The following IDE variants were observed in gnomAD, a reference collection of about 807,000 sequenced individuals.
IDE encodes the protein insulin degrading enzyme, also known as insulin-degrading enzyme.
Under a neutral mutation model 133.2 loss-of-function variants are expected in IDE, and 58 were observed. The ratio of observed to expected loss-of-function variants is 0.44; its 90% CI spans 0.35 to 0.54. The LOEUF is 0.54. IDE is among the 20% of genes least tolerant of loss of function. The pLI is 0.00. For synonymous variants in IDE, 396 were observed against 421.3 expected (o/e 0.94, Z 0.73); for missense variants, 981 against 1,234.0 (o/e 0.79, Z 3.07).
chr10:92,479,597 T>G (rs1846484671), intron 14 of IDE, 176 bp from the exon 15 acceptor site: 3 of 571,716 alleles, frequency 5.2e-6, no homozygotes, highest in African/African-American at 2.0e-5. Context: ...AAAAGAAGCC[T>G]GAAGTGTGTG....
In IDE at chr10:92,469,029, T is replaced by C. The variant is rs367995610; in HGVS notation, c.2209-39A>G. 2.0e-5 allele frequency: 22 copies of C among 1,110,726 alleles called. No individual in the cohort carries two copies. In the South Asian group the frequency reaches 2.7e-4, roughly 13 times the overall value. The allele number at this position is 1,110,726 out of a possible 1,614,324, so 68.8% of individuals were successfully genotyped here. On this transcript the variant is annotated intron_variant, in intron 18 of 24. Transcript: ENST00000265986. ...TATGTCCCAGCATATTACAAAAACA[T>C]AAACATATCTTGTTTGTGAAATAAA...
At chr10:92,566,388 ATCTC>A (rs201698581) in intron 1 of IDE, among the ~76,000 whole-genome samples, 1,451 of 144,836 alleles carry the variant, frequency 0.01, 20 homozygotes, top group African/African-American at 0.034. Context: ...GTCAGACTCT[ATCTC>A]TCTCTCTCTC....
At chr10:92,538,974 A>C (rs149575195) in intron 1 of IDE, among the ~76,000 whole-genome samples, 153 of 152,332 alleles carry the variant, frequency 1.0e-3, no homozygotes, top group African/African-American at 3.5e-3. Flanking sequence ...TTTAAACGTA[A>C]GTAAGAGGGG....
At chr10:92,540,955 G>C (rs1276524075) in intron 1 of IDE, among the ~76,000 whole-genome samples, 2 of 152,150 alleles carry the variant, frequency 1.3e-5, no homozygotes, top group African/African-American at 2.4e-5. Context: ...ATTTGCAAAT[G>C]ATCAGAATCC....
chr10:92,562,227 T>C (rs1410423001), intron 1 of IDE, among the ~76,000 whole-genome samples: 1 of 152,182 alleles, frequency 6.6e-6, no homozygotes, highest in African/African-American at 2.4e-5. Context: ...AGCCTACTGG[T>C]CTACAGTGAC....
chr10:92,561,687 G>A (rs576720309), intron 1 of IDE, among the ~76,000 whole-genome samples: 10 of 152,108 alleles, frequency 6.6e-5, no homozygotes, highest in South Asian at 2.1e-4. Context: ...GCTTGAACAC[G>A]GGAGGCGGAG....
In IDE at chr10:92,479,409, A is replaced by G. The variant is rs1846470494; in HGVS notation, c.1752T>C (p.Tyr584=). Residue 584 remains tyrosine, a synonymous_variant, in exon 15 of 25, where the codon TAT becomes TAC. Coordinates refer to ENST00000265986, the MANE Select transcript of IDE (RefSeq NM_004969.4). The part of the protein sequence containing the change: ...LNFEFFSPFA[Y]VDPLHCNMAY... ...CCATGTTACAGTGCAAGGGGTCCAC[A>G]TAAGCAAATGGGCTGGAAGAAAATG... 6.2e-7 allele frequency: 1 copy of G among 1,606,090 alleles called. No individual in the cohort carries two copies. Among genetic ancestry groups the G allele is most frequent in the Non-Finnish European group, 8.5e-7 (1 of 1,173,540 alleles).
intron 11 of IDE, among the ~76,000 whole-genome samples, chr10:92,493,098 T>TC (rs1390468007): frequency 6.6e-6 from 1 of 152,216 alleles, no homozygotes; most frequent in African/African-American, 2.4e-5. Context: ...AGAGTTCTAT[T>TC]ATTGCGTCAG....
chr10:92,476,693 T>C (rs1328244806), intron 15 of IDE, among the ~76,000 whole-genome samples: 1 of 152,112 alleles, frequency 6.6e-6, no homozygotes, highest in East Asian at 1.9e-4. Flanking sequence ...GTAAGTAAAC[T>C]CACCTGACAC....
chr10:92,574,056 C>G lies in IDE; in HGVS notation c.-37G>C. The stretch of plus-strand genomic sequence containing the variant: ...GTCGCCGGGATCACCGCAAACGCTT[C>G]CTGCTTGCGCTTCGAGCCGGCCCTG... On this transcript the variant is annotated 5_prime_UTR_variant, in exon 1 of 25. Coordinates refer to ENST00000265986, the MANE Select transcript of IDE (RefSeq NM_004969.4). 1 of 1,459,966 alleles carries G rather than the reference C, an allele frequency of 6.8e-7. No homozygotes were observed. Among genetic ancestry groups the G allele is most frequent in the Non-Finnish European group, 9.1e-7 (1 of 1,093,618 alleles). The allele number at this position is 1,459,966 out of a possible 1,614,324, so 90.4% of individuals were successfully genotyped here.
At chr10:92,484,686 T>C (rs1846858636) in intron 13 of IDE, among the ~76,000 whole-genome samples, 1 of 151,692 alleles carries the variant, frequency 6.6e-6, no homozygotes, top group African/African-American at 2.4e-5. Flanking sequence ...TGAGCTGAGA[T>C]TGCACCACTG....
intron 1 of IDE, among the ~76,000 whole-genome samples, chr10:92,555,900 G>A (rs997174482): frequency 3.3e-5 from 5 of 152,132 alleles, no homozygotes; most frequent in African/African-American, 9.7e-5. Flanking sequence ...TAGGCCGGGC[G>A]CGGTGGCTCA....
At chr10:92,482,481 C>T (rs1846672809) in intron 14 of IDE, among the ~76,000 whole-genome samples, 1 of 152,172 alleles carries the variant, frequency 6.6e-6, no homozygotes, top group Non-Finnish European at 1.5e-5. Flanking sequence ...GAAGCAGTAT[C>T]TAAGGGTTCC....
At chr10:92,565,105 G>A (rs1013579046) in intron 1 of IDE, among the ~76,000 whole-genome samples, 3 of 151,684 alleles carry the variant, frequency 2.0e-5, no homozygotes, top group African/African-American at 4.8e-5. Flanking sequence ...AAAATTAGCC[G>A]GCGTGGTAGC....
chr10:92,558,066 T>C (rs566801114), intron 1 of IDE, among the ~76,000 whole-genome samples: 1 of 152,302 alleles, frequency 6.6e-6, no homozygotes, highest in Non-Finnish European at 1.5e-5. Context: ...ACAACCTTTT[T>C]TTTGAGATAG....
At position 92,504,750 on chromosome 10, in the gene IDE, T is replaced by C. The variant is rs373885689; in HGVS notation, c.1430+44A>G. The C allele has an allele frequency of 2.0e-3, 1,932 of 977,636 alleles. 43 individuals carry two copies. In the South Asian group the frequency reaches 0.026, roughly 13 times the overall value. 60.6% of individuals were successfully genotyped at this position (977,636 alleles called of 1,614,324 possible). ...AAATTTTTTCAGATTCTAATCATTA[T>C]TGAAAATTTAGTGTATAATAGTAAA... On this transcript the variant is annotated intron_variant, in intron 11 of 24. Coordinates refer to ENST00000265986, the MANE Select transcript of IDE (RefSeq NM_004969.4).
intron 19 of IDE, among the ~76,000 whole-genome samples, chr10:92,467,008 A>G (rs1389772102): frequency 6.6e-6 from 1 of 152,018 alleles, no homozygotes; most frequent in Non-Finnish European, 1.5e-5. Flanking sequence ...GTGACAGAGT[A>G]AGACTCCGTC....
intron 5 of IDE, among the ~76,000 whole-genome samples, chr10:92,511,315 C>G (rs1848619042): frequency 6.6e-6 from 1 of 151,962 alleles, no homozygotes; most frequent in South Asian, 2.1e-4. Context: ...GTTGCCCAGG[C>G]TGGTCTCAAA....
At chr10:92,469,120 T>A in intron 18 of IDE, 130 bp from the exon 19 acceptor site, 1 of 602,150 alleles carries the variant, frequency 1.7e-6, no homozygotes, top group Non-Finnish European at 3.0e-6. Flanking sequence ...TTCAAATGGA[T>A]AAAAATTGAA....
Sources: allele counts gnomAD v4.1 joint callset (sites outside exome capture counted in the v4.1 genomes callset), GRCh38; gene constraint gnomAD v4.1.1; transcripts MANE v1.5; gene names NCBI Gene and HGNC (gene_info 2026-07-23, HGNC 2026-07-21).